Variants in RCOR1 observed in about 807,000 individuals in gnomAD.
RCOR1 encodes REST corepressor.
RCOR1 carries 12 observed loss-of-function variants against 64.0 expected under a neutral mutation model. The observed-to-expected ratio is 0.19, with a 90% confidence interval of 0.12 to 0.30. The LOEUF (loss-of-function observed/expected upper bound fraction) is 0.30, where lower values mean the gene tolerates loss of function less well. Ranked by LOEUF, RCOR1 falls within the 10% of genes least tolerant of loss-of-function variation. The probability of loss-of-function intolerance (pLI) is 1.00; values close to 1 mark genes in which losing one functional copy is unlikely to be tolerated. For missense variants in RCOR1, 502 were observed against 621.2 expected (o/e 0.81, Z 2.04); for synonymous variants, 279 against 227.2 (o/e 1.23, Z -2.05).
intron 3 of RCOR1, among the ~76,000 whole-genome samples, chr14:102,700,860 C>T (rs747081249): frequency 3.3e-5 from 5 of 152,242 alleles, no homozygotes; most frequent in South Asian, 2.1e-4. Flanking sequence ...AAGACATACC[C>T]GAGACTGGGA....
At chr14:102,711,132 T>C in intron 7 of RCOR1, 119 bp downstream of exon 7, 2 of 653,466 alleles carry the variant, frequency 3.1e-6, no homozygotes, top group Middle Eastern at 2.6e-4. Context: ...AGCAGCATGA[T>C]ATGACTATTT....
chr14:102,663,181 G>GT (rs1229869045), intron 2 of RCOR1, among the ~76,000 whole-genome samples: 1 of 152,136 alleles, frequency 6.6e-6, no homozygotes, highest in Non-Finnish European at 1.5e-5. Context: ...TGCCATCCAC[G>GT]TAAGACTGAG....
At chr14:102,657,635 C>T (rs542124588) in intron 2 of RCOR1, 5 of 609,662 alleles carry the variant, frequency 8.2e-6, no homozygotes, top group South Asian at 7.3e-5. Flanking sequence ...GTCAGGAGTT[C>T]GAGACCAGCC....
At chr14:102,673,587 G>GCC (rs1895076737) in intron 2 of RCOR1, among the ~76,000 whole-genome samples, 1 of 151,184 alleles carries the variant, frequency 6.6e-6, no homozygotes, top group South Asian at 2.1e-4. Context: ...CGCCCGCCTT[G>GCC]GCCTCCCAAA....
chr14:102,649,137 G>C (rs1231153726), intron 2 of RCOR1, among the ~76,000 whole-genome samples: 1 of 151,850 alleles, frequency 6.6e-6, no homozygotes, highest in Non-Finnish European at 1.5e-5. Context: ...CTCTGGCCTG[G>C]GTGACAGAGT....
chr14:102,686,508 G>T (rs1335729748), intron 3 of RCOR1, among the ~76,000 whole-genome samples: 2 of 152,172 alleles, frequency 1.3e-5, no homozygotes, highest in African/African-American at 4.8e-5. Flanking sequence ...ATGTTCTGTG[G>T]ATTCCGACAA....
chr14:102,624,520 C>T (rs913310320), intron 2 of RCOR1, among the ~76,000 whole-genome samples: 1 of 151,754 alleles, frequency 6.6e-6, no homozygotes, highest in African/African-American at 2.4e-5. Context: ...AAAATTCACA[C>T]CTAGGACATC....
intron 2 of RCOR1, among the ~76,000 whole-genome samples, chr14:102,681,534 A>C (rs904849804): frequency 6.6e-6 from 1 of 152,270 alleles, no homozygotes; most frequent in African/African-American, 2.4e-5. Context: ...TCTATTGCCA[A>C]GTCACTAAAA....
intron 2 of RCOR1, among the ~76,000 whole-genome samples, chr14:102,595,874 C>G (rs543673591): frequency 9.2e-5 from 14 of 151,598 alleles, no homozygotes; most frequent in Non-Finnish European, 4.4e-5. Context: ...CCACCGCGCC[C>G]GGCCCCAAAT....
intron 7 of RCOR1, among the ~76,000 whole-genome samples, chr14:102,714,197 T>A (rs1175367871): frequency 1.3e-5 from 2 of 152,178 alleles, no homozygotes; most frequent in Non-Finnish European, 2.9e-5. Flanking sequence ...AAGGAAGTAT[T>A]TGTACAAGAA....
intron 2 of RCOR1, among the ~76,000 whole-genome samples, chr14:102,631,058 T>G (rs1440419988): frequency 6.6e-6 from 1 of 152,148 alleles, no homozygotes; most frequent in African/African-American, 2.4e-5. Flanking sequence ...CTGCCAGTTC[T>G]TTTTGAAGTG....
chr14:102,610,466 G>T (rs1893606327), intron 2 of RCOR1, among the ~76,000 whole-genome samples: 1 of 152,118 alleles, frequency 6.6e-6, no homozygotes, highest in African/African-American at 2.4e-5. Flanking sequence ...GGACAGCTCA[G>T]AATAGAGTAT....
rs1208030462 is a variant in RCOR1 at position 102,722,411 on chromosome 14, G to A, written c.1414G>A (p.Asp472Asn). The A allele has an allele frequency of 6.2e-7, 1 of 1,611,156 alleles. No homozygotes were observed. The highest frequency in any genetic ancestry group is 1.7e-5 in the Admixed American group (1 of 59,642). Residue 472 changes from aspartate to asparagine, a missense_variant, in exon 11 of 12, where the codon GAC becomes AAC. Coordinates refer to ENST00000262241, the MANE Select transcript of RCOR1 (RefSeq NM_015156.4). ...DNSIKMPEEE[D>N]EAPVLDVRYA... Reference sequence around the variant, plus strand: ...TTCCATTAAGATGCCCGAAGAGGAAGACGAGGTAAATCTGAAACAAAACAG... The same window carrying A: ...TTCCATTAAGATGCCCGAAGAGGAAAACGAGGTAAATCTGAAACAAAACAG...
intron 2 of RCOR1, among the ~76,000 whole-genome samples, chr14:102,612,365 G>A (rs368334221): frequency 1.2e-4 from 18 of 151,848 alleles, no homozygotes; most frequent in Admixed American, 3.9e-4. Context: ...CACCACGCCC[G>A]CTAATTTGTT....
At chr14:102,689,707 A>G (rs903651515) in intron 3 of RCOR1, among the ~76,000 whole-genome samples, 2 of 152,234 alleles carry the variant, frequency 1.3e-5, no homozygotes, top group African/African-American at 4.8e-5. Flanking sequence ...CTGTGTTAAA[A>G]TAGACAAAAA....
intron 2 of RCOR1, among the ~76,000 whole-genome samples, chr14:102,614,393 T>A (rs1267884926): frequency 6.6e-6 from 1 of 151,068 alleles, no homozygotes; most frequent in Non-Finnish European, 1.5e-5. Context: ...CCCGGCTAAT[T>A]TTTTGCATTT....
intron 2 of RCOR1, chr14:102,651,123 C>T (rs1894579270): frequency 2.0e-6 from 2 of 978,618 alleles, no homozygotes; most frequent in Non-Finnish European, 2.4e-6. Context: ...GTGCTGAGAC[C>T]AGCTCGGTCG....
At chr14:102,662,988 C>T (rs1595218548) in intron 2 of RCOR1, among the ~76,000 whole-genome samples, 1 of 152,100 alleles carries the variant, frequency 6.6e-6, no homozygotes, top group African/African-American at 2.4e-5. Flanking sequence ...TGTGTCCCCA[C>T]GCAAATCTCA....
chr14:102,630,534 A>C (rs1177718502), intron 2 of RCOR1, among the ~76,000 whole-genome samples: 1 of 152,214 alleles, frequency 6.6e-6, no homozygotes, highest in Non-Finnish European at 1.5e-5. Context: ...AAAGGTAAGA[A>C]TCCTATCAGG....
Sources: gnomAD v4.1 joint callset for allele counts (sites outside exome capture counted in the v4.1 genomes callset) on GRCh38, gnomAD v4.1.1 for gene constraint, MANE v1.5 for transcripts, NCBI Gene and HGNC (gene_info 2026-07-23, HGNC 2026-07-21) for gene names.